Variants in DIS3L2 observed in about 807,000 individuals in gnomAD.
The protein encoded by DIS3L2 is DIS3-like exonuclease 2.
A neutral mutation model predicts 97.5 loss-of-function variants in DIS3L2; 34 were observed. The ratio of observed to expected loss-of-function variants is 0.35; its 90% confidence interval spans 0.27 to 0.46. The LOEUF (loss-of-function observed/expected upper bound fraction) is 0.46. Ranked by LOEUF, DIS3L2 falls within the 20% of genes least tolerant of loss-of-function variation. The probability of loss-of-function intolerance (pLI) is 1.00; values close to 1 mark genes in which losing one functional copy is unlikely to be tolerated. For missense variants in DIS3L2, 1,038 were observed against 1,146.0 expected (o/e 0.91, Z 1.36); for synonymous variants, 435 against 445.2 (o/e 0.98, Z 0.29).
chr2:232,262,560 A>G (rs942953886), intron 12 of DIS3L2, among the ~76,000 whole-genome samples: 1 of 152,162 alleles, frequency 6.6e-6, no homozygotes, highest in African/African-American at 2.4e-5. Flanking sequence ...TGCTCCTGAC[A>G]TCCAGTGGAT....
intron 5 of DIS3L2, among the ~76,000 whole-genome samples, chr2:232,034,082 T>C (rs1380394154): frequency 6.6e-6 from 1 of 152,202 alleles, no homozygotes; most frequent in Non-Finnish European, 1.5e-5. Context: ...AATTCGGCTG[T>C]GAATCCATCT....
At chr2:232,112,166 T>C (rs540244080) in intron 6 of DIS3L2, among the ~76,000 whole-genome samples, 22 of 152,312 alleles carry the variant, frequency 1.4e-4, no homozygotes, top group South Asian at 1.0e-3. Flanking sequence ...GAGGGCTTCT[T>C]TGTGGTAAAA....
intron 3 of DIS3L2, among the ~76,000 whole-genome samples, chr2:232,023,895 A>G (rs1268085577): frequency 7.2e-6 from 1 of 139,750 alleles, no homozygotes; most frequent in Non-Finnish European, 1.5e-5. Context: ...ACTGGGAGAA[A>G]AAAAAGGCCT....
chr2:232,142,109 G>GT (rs1690066266), intron 8 of DIS3L2, among the ~76,000 whole-genome samples: 1 of 152,126 alleles, frequency 6.6e-6, no homozygotes. Context: ...GAGAAACCAA[G>GT]TTATATAATG....
At chr2:232,016,632 A>G (rs868652516) in intron 3 of DIS3L2, among the ~76,000 whole-genome samples, 58 of 152,170 alleles carry the variant, frequency 3.8e-4, no homozygotes, top group African/African-American at 1.4e-3. Flanking sequence ...TTGTGAAACA[A>G]CATGGAGTAT....
intron 1 of DIS3L2, among the ~76,000 whole-genome samples, chr2:232,011,908 C>T (rs1303378592): frequency 6.6e-6 from 1 of 152,204 alleles, no homozygotes; most frequent in East Asian, 1.9e-4. Context: ...GCCTTGGCCT[C>T]CCAAAGTGTT....
chr2:231,980,381 AT>A (rs980942360), intron 1 of DIS3L2, among the ~76,000 whole-genome samples: 4 of 150,778 alleles, frequency 2.7e-5, no homozygotes, highest in Admixed American at 6.6e-5. Flanking sequence ...ATCCTTTCCC[AT>A]TTTTTTTCAT....
chr2:232,095,845 G>C (rs1696990680), intron 6 of DIS3L2, among the ~76,000 whole-genome samples: 1 of 151,904 alleles, frequency 6.6e-6, no homozygotes, highest in South Asian at 2.1e-4. Context: ...CTATTCCATG[G>C]TAAAAGTTTT....
At chr2:232,239,593 C>G (rs1693024876) in intron 11 of DIS3L2, among the ~76,000 whole-genome samples, 1 of 152,168 alleles carries the variant, frequency 6.6e-6, no homozygotes, top group Non-Finnish European at 1.5e-5. Context: ...TAGCTTGAGC[C>G]TTCCTGCCTC....
intron 5 of DIS3L2, among the ~76,000 whole-genome samples, chr2:232,066,700 AT>A (rs1441647762): frequency 6.6e-6 from 1 of 152,044 alleles, no homozygotes; most frequent in Non-Finnish European, 1.5e-5. Context: ...GGCTTAGAGT[AT>A]TCTTTTCTAG....
intron 1 of DIS3L2, among the ~76,000 whole-genome samples, chr2:231,986,374 C>A (rs919753783): frequency 5.9e-5 from 9 of 152,174 alleles, no homozygotes; most frequent in African/African-American, 2.2e-4. Context: ...AAGTTATCAA[C>A]TTAATTTAAC....
intron 5 of DIS3L2, among the ~76,000 whole-genome samples, chr2:232,038,581 CAT>C (rs999456488): frequency 2.0e-5 from 3 of 152,196 alleles, no homozygotes; most frequent in Admixed American, 2.0e-4. Context: ...AATAAGCAAA[CAT>C]ATGAATAAGT....
intron 13 of DIS3L2, among the ~76,000 whole-genome samples, chr2:232,295,797 A>T (rs1305797677): frequency 6.6e-6 from 1 of 152,182 alleles, no homozygotes; most frequent in Non-Finnish European, 1.5e-5. Flanking sequence ...TTTCTGATAG[A>T]TCCAAAGGAT....
At chr2:232,300,983 G>A (rs552701138) in intron 14 of DIS3L2, among the ~76,000 whole-genome samples, 8 of 152,122 alleles carry the variant, frequency 5.3e-5, no homozygotes, top group African/African-American at 9.6e-5. Flanking sequence ...GTGTATTTTC[G>A]TTTGTGAGAC....
chr2:232,333,966 C>T lies in DIS3L2; in HGVS notation c.2137C>T (p.Arg713Cys), dbSNP rs756694951. ...IRRFADVLVH[R>C]LLAAALGYRE... is the part of the protein sequence containing the mutation. ...CCGCTTTGCCGACGTCCTGGTGCAC[C>T]GCCTCCTGGCTGCCGCGTTAGGTGA... Residue 713 changes from arginine to cysteine, a missense_variant, in exon 17 of 21, where the codon CGC (arginine) becomes TGC (cysteine). By Grantham distance (180) the Arg-to-Cys change is radical. Coordinates refer to ENST00000325385, the MANE Select transcript of DIS3L2 (RefSeq NM_152383.5). 9.9e-6 allele frequency: 16 copies of T among 1,611,952 alleles called. No individual in the cohort carries two copies. Among genetic ancestry groups the T allele is most frequent in the Non-Finnish European group, 1.3e-5 (15 of 1,179,548 alleles).
intron 3 of DIS3L2, 92 bp from the exon 4 acceptor site, chr2:232,024,185 T>G (rs1159761948): frequency 5.4e-6 from 5 of 930,108 alleles, no homozygotes; most frequent in Non-Finnish European, 8.2e-6. Context: ...GTGACCTGTT[T>G]AATTTTAAAA....
At position 232,238,535 on chromosome 2, in the gene DIS3L2, A is replaced by G; in HGVS notation, c.1207A>G (p.Asn403Asp). The G allele has an allele frequency of 6.2e-7, 1 of 1,613,904 alleles. No individual in the cohort carries two copies. Among genetic ancestry groups the G allele is most frequent in the Non-Finnish European group, 8.5e-7 (1 of 1,179,918 alleles). The change falls in exon 11 of 21, where the codon AAC (asparagine) becomes GAC (aspartate). Residue 403 changes from asparagine (N) to aspartate (D), a missense_variant and splice_region_variant. By Grantham distance (23) the Asn-to-Asp change is conservative. Transcript: ENST00000325385. ...TAGTCCTTCTCGTGCATTTACAGGC[A>G]ACTTCAAAGTGGGAGTTCACATTGC... ...ALSCKPLADG[N>D]FKVGVHIADV...
At position 232,334,007 on chromosome 2, in the gene DIS3L2, T is replaced by G; in HGVS notation, c.2158+20T>G. 1.2e-6 allele frequency: 2 copies of G among 1,600,690 alleles called. No homozygotes were observed. Among genetic ancestry groups the G allele is most frequent in the Non-Finnish European group, 1.7e-6 (2 of 1,174,234 alleles). On this transcript the variant is annotated intron_variant, in intron 17 of 20. Coordinates refer to ENST00000325385, the MANE Select transcript of DIS3L2 (RefSeq NM_152383.5). ...CGTTAGGTGAGGGGTGCAGTCGGGG[T>G]CAGGGCAGACCTGGGCCAGCTCAGG...
chr2:232,045,659 T>C (rs1223451254), intron 5 of DIS3L2, among the ~76,000 whole-genome samples: 1 of 145,622 alleles, frequency 6.9e-6, no homozygotes, highest in Non-Finnish European at 1.5e-5. Context: ...CATCACCTTT[T>C]AAAGGCCTCA....
Sources: allele counts gnomAD v4.1 joint callset (sites outside exome capture counted in the v4.1 genomes callset), GRCh38; gene constraint gnomAD v4.1.1; transcripts MANE v1.5; gene names NCBI Gene and HGNC (gene_info 2026-07-23, HGNC 2026-07-21).